RSF1: variants seen among roughly 807,000 people sequenced by gnomAD.
RSF1 encodes HBV pX-associated protein 8.
Under a neutral mutation model 145.2 loss-of-function variants are expected in RSF1, and 13 were observed. The observed-to-expected ratio is 0.09, with a 90% CI of 0.06 to 0.14. The LOEUF is 0.14. RSF1 is among the 10% of genes least tolerant of loss of function. The probability of loss-of-function intolerance (pLI) is 1.00; values close to 1 mark genes in which losing one functional copy is unlikely to be tolerated. For missense variants in RSF1, 1,517 were observed against 1,718.2 expected (o/e 0.88, Z 2.07); for synonymous variants, 577 against 592.6 (o/e 0.97, Z 0.38).
the RSF1 span, chr11:77,830,268 C>T: frequency 6.6e-6 from 1 of 152,210 alleles, no homozygotes; most frequent in Non-Finnish European, 1.5e-5. Context: ...ACTAAGCATT[C>T]CGCTGGAGGC....
chr11:77,753,054 C>T (rs760402621), intron 2 of RSF1, among the ~76,000 whole-genome samples: 1 of 152,218 alleles, frequency 6.6e-6, no homozygotes, highest in African/African-American at 2.4e-5. Context: ...CTTTGTTTAG[C>T]ATATAATCAA....
intron 5 of RSF1, among the ~76,000 whole-genome samples, chr11:77,706,576 T>C (rs894555848): frequency 6.6e-6 from 1 of 152,170 alleles, no homozygotes. Context: ...TTCCCAAAGC[T>C]GCCATCACTT....
At position 77,667,218 on chromosome 11, in the gene RSF1, C is replaced by A. The variant is rs770606412; in HGVS notation, c.4025G>T (p.Arg1342Leu). The A allele has an allele frequency of 6.2e-7, 1 of 1,614,216 alleles. No homozygotes were observed. The highest frequency in any genetic ancestry group is 8.5e-7 in the Non-Finnish European group (1 of 1,180,038). Residue 1342 changes from arginine to leucine, a missense_variant, in exon 16 of 16, where the codon CGG (arginine) becomes CTG (leucine). Transcript: ENST00000308488. ...GTCCTCTTCCTCATCACTTTCTATC[C>A]GGTAGGGCTTCTTGGTGCTCTCTTG... is the stretch of plus-strand genomic sequence containing the variant. ...SEQESTKKPY[R>L]IESDEEEDFE...
intron 4 of RSF1, among the ~76,000 whole-genome samples, chr11:77,739,920 T>C (rs1274866786): frequency 6.6e-6 from 1 of 150,830 alleles, no homozygotes; most frequent in East Asian, 1.9e-4. Context: ...AAATAAAAAA[T>C]CAAGATTTTT....
intron 1 of RSF1, among the ~76,000 whole-genome samples, chr11:77,815,078 G>A (rs1009819358): frequency 4.6e-5 from 7 of 152,224 alleles, no homozygotes; most frequent in Non-Finnish European, 1.0e-4. Context: ...GGAAATGGAA[G>A]TAAAGGGGAA....
Position 77,662,525 on chromosome 11 carries a change from G to C in RSF1, c.*4392C>G. 1 of 151,990 alleles carries C rather than the reference G, an allele frequency of 6.6e-6. No homozygotes were observed. Among genetic ancestry groups the C allele is most frequent in the Non-Finnish European group, 1.5e-5 (1 of 67,982 alleles). 9.4% of individuals were successfully genotyped at this position (151,990 alleles called of 1,614,324 possible). ...ATATTACAGTTACTTAGCAATTCTT[G>C]GCACTCAAAAGATGTTAAAAGATAA... On this transcript the variant is annotated 3_prime_UTR_variant, in exon 16 of 16. Transcript: ENST00000308488.
In RSF1 at chr11:77,672,035, G is replaced by A; in HGVS notation, c.3751+7C>T. On this transcript the variant is annotated splice_region_variant and intron_variant, in intron 15 of 15. Coordinates refer to ENST00000308488, the MANE Select transcript of RSF1 (RefSeq NM_016578.4). ...AAACTTCTATATATAGGAGACCTAT[G>A]CCTTACCTTCACTCTCTGAGCTGGA... The A allele has an allele frequency of 6.2e-7, 1 of 1,607,198 alleles. No individual in the cohort carries two copies. The highest frequency in any genetic ancestry group is 8.5e-7 in the Non-Finnish European group (1 of 1,177,980).
At chr11:77,708,683 C>T (rs1040686264) in intron 5 of RSF1, among the ~76,000 whole-genome samples, 2 of 152,108 alleles carry the variant, frequency 1.3e-5, no homozygotes, top group Non-Finnish European at 1.5e-5. Context: ...AAGGCCATCC[C>T]ATTTTATTCA....
In RSF1 at chr11:77,796,626, C is replaced by CGA. The variant is rs552400336; in HGVS notation, c.187+23901_187+23902insTC. Reference sequence around the variant, plus strand: ...GACAAGGATGCCCTCTCTCACCACTCCTATTCAACATAGTATTGGAAGTTC... The same window carrying CGA: ...GACAAGGATGCCCTCTCTCACCACTCGACTATTCAACATAGTATTGGAAGTTC... On this transcript the variant is annotated intron_variant, in intron 1 of 15. Coordinates refer to ENST00000308488, the MANE Select transcript of RSF1 (RefSeq NM_016578.4). 1.2e-3 allele frequency among the ~76,000 whole-genome samples: 187 copies of CGA among 152,298 alleles called. 1 individual carries two copies. Among genetic ancestry groups the CGA allele is most frequent in the African/African-American group, 4.3e-3 (180 of 41,554 alleles).
chr11:77,798,274 T>C (rs1312854975), intron 1 of RSF1, among the ~76,000 whole-genome samples: 1 of 152,016 alleles, frequency 6.6e-6, no homozygotes, highest in African/African-American at 2.4e-5. Context: ...CCATCAATGA[T>C]AGGCTGGATA....
chr11:77,685,547 T>C (rs1253634277), intron 9 of RSF1, among the ~76,000 whole-genome samples: 2 of 152,200 alleles, frequency 1.3e-5, no homozygotes, highest in African/African-American at 2.4e-5. Context: ...CCACCCACCT[T>C]GACCTCTCAA....
chr11:77,727,397 C>T (rs1048431698), intron 4 of RSF1, among the ~76,000 whole-genome samples: 1 of 150,642 alleles, frequency 6.6e-6, no homozygotes, highest in Non-Finnish European at 1.5e-5. Context: ...AGTTATGCAC[C>T]ATAACAATTT....
intron 5 of RSF1, among the ~76,000 whole-genome samples, chr11:77,710,330 G>A (rs914000375): frequency 3.9e-5 from 6 of 152,006 alleles, no homozygotes; most frequent in African/African-American, 1.4e-4. Flanking sequence ...GCAATTTTAG[G>A]CATACGGTGT....
At chr11:77,777,158 AT>A (rs1490990927) in intron 1 of RSF1, among the ~76,000 whole-genome samples, 2 of 152,226 alleles carry the variant, frequency 1.3e-5, no homozygotes, top group African/African-American at 4.8e-5. Context: ...TATTTCATCC[AT>A]AAATACTTCA....
chr11:77,856,422 A>C, the RSF1 span, among the ~76,000 whole-genome samples: 1 of 152,118 alleles, frequency 6.6e-6, no homozygotes. Flanking sequence ...CCCTCTGCCC[A>C]TTACCTAGTT....
In RSF1 at chr11:77,692,233, A is replaced by ATTTTTTTTTTTTTTTTTTTTTT. The variant is rs71046904; in HGVS notation, c.2821-1017_2821-996dup. Among the ~76,000 whole-genome samples, 8 of 49,476 alleles carry ATTTTTTTTTTTTTTTTTTTTTT rather than the reference A, an allele frequency of 1.6e-4. 3 individuals are homozygous for ATTTTTTTTTTTTTTTTTTTTTT. The highest frequency in any genetic ancestry group is 6.4e-4 in the African/African-American group (5 of 7,846). The allele number at this position is 49,476 out of a possible 152,430, so 32.5% of individuals were successfully genotyped here. A position where few individuals can be genotyped will look rare whatever the true frequency, so the allele number is the denominator to read the frequency against. On this transcript the variant is annotated intron_variant, in intron 8 of 15. Coordinates refer to ENST00000308488, the MANE Select transcript of RSF1 (RefSeq NM_016578.4). ...AAAAAATAATTATTACTACTTTTAAATTTTTTTTTTTTTTTTTTTTTTTTT... is the reference window on the plus strand; with the variant it reads ...AAAAAATAATTATTACTACTTTTAAATTTTTTTTTTTTTTTTTTTTTTTTTTTTTTTTTTTTTTTTTTTTTTT...
At chr11:77,754,515 G>A (rs1948096181) in intron 2 of RSF1, among the ~76,000 whole-genome samples, 1 of 152,118 alleles carries the variant, frequency 6.6e-6, no homozygotes, top group Non-Finnish European at 1.5e-5. Context: ...ACCAAGGCAG[G>A]AGGATTGCTT....
intron 9 of RSF1, among the ~76,000 whole-genome samples, chr11:77,685,990 T>G (rs1959993757): frequency 6.6e-6 from 1 of 152,132 alleles, no homozygotes; most frequent in South Asian, 2.1e-4. Flanking sequence ...AATGCAGACG[T>G]ATAGCTCTGT....
In RSF1 at chr11:77,764,633, C is replaced by T. The variant is rs761285165; in HGVS notation, c.244G>A (p.Val82Ile). ...LKLMRKIGKS[V>I]TADRWEKYLI... ...TATTTTTCCCATCTGTCTGCAGTAACAGATTTGCCAATTTTCCTCATCAGC... is the reference window on the plus strand; with the variant it reads ...TATTTTTCCCATCTGTCTGCAGTAATAGATTTGCCAATTTTCCTCATCAGC... Residue 82 changes from valine to isoleucine, a missense_variant, in exon 2 of 16, where the codon GTT becomes ATT. Coordinates refer to ENST00000308488, the MANE Select transcript of RSF1 (RefSeq NM_016578.4). The T allele has an allele frequency of 6.2e-7, 1 of 1,609,606 alleles. No individual in the cohort carries two copies. The highest frequency in any genetic ancestry group is 1.7e-5 in the Admixed American group (1 of 59,722).
Sources: gnomAD v4.1 joint callset for allele counts (sites outside exome capture counted in the v4.1 genomes callset) on GRCh38, gnomAD v4.1.1 for gene constraint, MANE v1.5 for transcripts, NCBI Gene and HGNC (gene_info 2026-07-23, HGNC 2026-07-21) for gene names.